Variants in SPAG17 observed in about 807,000 individuals in gnomAD.
SPAG17 encodes the protein sperm associated antigen 17.
SPAG17 carries 169 observed loss-of-function variants against 273.6 expected under a neutral mutation model. The observed-to-expected ratio is 0.62, with a 90% CI of 0.55 to 0.70. The LOEUF (loss-of-function observed/expected upper bound fraction) is 0.70. Ranked by LOEUF, SPAG17 falls within the 30% of genes least tolerant of loss-of-function variation. SPAG17 has a pLI of 0.00. For missense variants in SPAG17, 2,557 were observed against 2,627.8 expected, an observed-to-expected ratio of 0.97 and a Z score of 0.59; for synonymous variants, 825 against 873.2, an observed-to-expected ratio of 0.94 and a Z score of 0.97.
rs189454995 is a variant in SPAG17 at position 118,158,251 on chromosome 1, T to G, written c.88-6882A>C. Among the ~76,000 whole-genome samples the G allele has an allele frequency of 5.3e-5, 8 of 152,312 alleles. No homozygotes were observed. The East Asian group carries it at 1.5e-3, about 29-fold the overall frequency. On this transcript the variant is annotated intron_variant, in intron 1 of 48. Coordinates refer to ENST00000336338, the MANE Select transcript of SPAG17 (RefSeq NM_206996.4). Reference sequence around the variant, plus strand: ...AGTCATTTTGTGCCCTGTGCAAGTCTGCCAGAGACATTAACCTATCACCAA... The same window carrying G: ...AGTCATTTTGTGCCCTGTGCAAGTCGGCCAGAGACATTAACCTATCACCAA...
chr1:118,176,437 T>C (rs900707227), intron 1 of SPAG17, among the ~76,000 whole-genome samples: 1 of 152,140 alleles, frequency 6.6e-6, no homozygotes, highest in African/African-American at 2.4e-5. Flanking sequence ...TAAAATACAT[T>C]ACAAATCATG....
chr1:118,037,024 G>A (rs1317022352), intron 23 of SPAG17, 141 bp from the exon 24 acceptor site: 3 of 612,046 alleles, frequency 4.9e-6, no homozygotes, highest in Non-Finnish European at 5.7e-6. Context: ...GCTTGACCAT[G>A]CACTCAGGGT....
chr1:117,970,252 C>T, intron 45 of SPAG17, 136 bp from the exon 46 acceptor site: 1 of 717,854 alleles, frequency 1.4e-6, no homozygotes, highest in Non-Finnish European at 2.2e-6. Flanking sequence ...ATTAGAAAAA[C>T]AACTTTAATA....
At chr1:118,025,489 ATTTTCTTTTTC>A in intron 26 of SPAG17, 73 bp from the exon 27 acceptor site, 1 of 1,131,136 alleles carries the variant, frequency 8.8e-7, no homozygotes, top group Non-Finnish European at 1.2e-6. Flanking sequence ...TTGCTTAATT[ATTTTCTTTTTC>A]TTTTCTTTTC....
chr1:118,115,922 A>T (rs1359655366), intron 3 of SPAG17, among the ~76,000 whole-genome samples: 1 of 152,190 alleles, frequency 6.6e-6, no homozygotes, highest in African/African-American at 2.4e-5. Flanking sequence ...ACTAAATTCA[A>T]ATGAAAGATA....
chr1:118,151,697 A>C (rs1296518918), intron 1 of SPAG17, among the ~76,000 whole-genome samples: 1 of 152,226 alleles, frequency 6.6e-6, no homozygotes, highest in Non-Finnish European at 1.5e-5. Flanking sequence ...CTATGTCACA[A>C]ATATACATTA....
At chr1:118,053,954 A>G in intron 20 of SPAG17, 48 bp downstream of exon 20, 1 of 1,365,120 alleles carries the variant, frequency 7.3e-7, no homozygotes, top group Non-Finnish European at 1.0e-6. Context: ...CCTGTTGTGT[A>G]ATACTTTAGT....
intron 3 of SPAG17, among the ~76,000 whole-genome samples, chr1:118,131,033 A>G (rs1211179711): frequency 2.0e-5 from 3 of 152,212 alleles, no homozygotes; most frequent in Non-Finnish European, 4.4e-5. Flanking sequence ...GTGGACTCCT[A>G]TCATGGACTC....
chr1:118,090,022 G>A (rs1289128406), intron 10 of SPAG17, among the ~76,000 whole-genome samples: 6 of 152,132 alleles, frequency 3.9e-5, no homozygotes, highest in Admixed American at 6.6e-5. Context: ...CCAGCCATGC[G>A]GAACTGTGAG....
At chr1:118,056,302 C>CT (rs946617498) in intron 18 of SPAG17, among the ~76,000 whole-genome samples, 34 of 152,136 alleles carry the variant, frequency 2.2e-4, no homozygotes, top group Admixed American at 5.2e-4. Context: ...AATGCAATCT[C>CT]TTTTTTGGGC....
At chr1:118,182,090 A>G (rs1660976386) in intron 1 of SPAG17, among the ~76,000 whole-genome samples, 1 of 152,088 alleles carries the variant, frequency 6.6e-6, no homozygotes, top group Admixed American at 6.6e-5. Context: ...CCCATCAATG[A>G]ATGAATGAAT....
Position 118,086,745 on chromosome 1 carries a change from T to G in SPAG17, c.1537A>C (p.Ser513Arg), listed in dbSNP as rs772441442. Reference protein sequence around the residue: ...DIFLSEEENESKAVPKGPLLL... With the variant: ...DIFLSEEENERKAVPKGPLLL... ...AGGGGGCCTTTGGGCACTGCTTTGC[T>G]TTCATTTTCTTCTTCAGATAAAAAT... The change falls in exon 12 of 49, where the codon AGC becomes CGC. Residue 513 changes from serine (S) to arginine (R), a missense_variant. Coordinates refer to ENST00000336338, the MANE Select transcript of SPAG17 (RefSeq NM_206996.4). 8 of 1,614,086 alleles carry G rather than the reference T, an allele frequency of 5.0e-6. No homozygotes were observed. Among genetic ancestry groups the G allele is most frequent in the Non-Finnish European group, 6.8e-6 (8 of 1,180,028 alleles).
chr1:117,990,090 T>G (rs965666999), intron 38 of SPAG17, among the ~76,000 whole-genome samples: 2 of 152,160 alleles, frequency 1.3e-5, no homozygotes, highest in Non-Finnish European at 2.9e-5. Flanking sequence ...GGGGTTGTGA[T>G]GGACTCCTGT....
intron 1 of SPAG17, among the ~76,000 whole-genome samples, chr1:118,168,279 G>T (rs1570816229): frequency 6.6e-6 from 1 of 152,158 alleles, no homozygotes; most frequent in African/African-American, 2.4e-5. Flanking sequence ...ACTCTGCAAA[G>T]AATAGGTTTT....
chr1:118,148,876 G>A (rs1269661524), intron 3 of SPAG17, among the ~76,000 whole-genome samples: 2 of 152,226 alleles, frequency 1.3e-5, no homozygotes, highest in Non-Finnish European at 2.9e-5. Context: ...AGAGGTACTA[G>A]GTAGCAGAGT....
chr1:118,056,449 T>C (rs1005126886), intron 18 of SPAG17, among the ~76,000 whole-genome samples: 1 of 152,218 alleles, frequency 6.6e-6, no homozygotes, highest in African/African-American at 2.4e-5. Flanking sequence ...TCTAACTGCT[T>C]GTGCATTTAT....
chr1:118,087,777 T>A (rs915913862), intron 10 of SPAG17, among the ~76,000 whole-genome samples: 2 of 152,352 alleles, frequency 1.3e-5, no homozygotes, highest in African/African-American at 4.8e-5. Flanking sequence ...TCATCCTCTA[T>A]GATTTCCTAT....
rs534083995 is a variant in SPAG17 at position 118,156,260 on chromosome 1, T to C, written c.88-4891A>G. On this transcript the variant is annotated intron_variant, in intron 1 of 48. Coordinates refer to ENST00000336338, the MANE Select transcript of SPAG17 (RefSeq NM_206996.4). ...AAACTCATTAGGTCAGAAATGATGT[T>C]TTCTATGCTTTTGCACTTTGTGGTG... Among the ~76,000 whole-genome samples the C allele has an allele frequency of 3.3e-5, 5 of 152,368 alleles. No individual in the cohort carries two copies. In the East Asian group the frequency reaches 7.7e-4, roughly 23 times the overall value.
Position 118,066,765 on chromosome 1 carries a change from G to A in SPAG17, c.2520C>T (p.Leu840=), listed in dbSNP as rs1449193747. The part of the protein sequence containing the change: ...RLHCEYWNIA[L]HSNVGFRNYL... Reference sequence around the variant, plus strand: ...GTTACCTGAATCCAACATTGGAGTGGAGAGCAATGTTCCAATATTCACAAT... The same window carrying A: ...GTTACCTGAATCCAACATTGGAGTGAAGAGCAATGTTCCAATATTCACAAT... The change falls in exon 18 of 49, where the codon CTC becomes CTT. Residue 840 remains leucine (L), a synonymous_variant. Coordinates refer to ENST00000336338, the MANE Select transcript of SPAG17 (RefSeq NM_206996.4). 1 of 1,610,744 alleles carries A rather than the reference G, an allele frequency of 6.2e-7. No individual in the cohort carries two copies. The highest frequency in any genetic ancestry group is 1.1e-5 in the South Asian group (1 of 90,008).
Sources: allele counts gnomAD v4.1 joint callset (sites outside exome capture counted in the v4.1 genomes callset), GRCh38; gene constraint gnomAD v4.1.1; transcripts MANE v1.5; gene names NCBI Gene and HGNC (gene_info 2026-07-23, HGNC 2026-07-21).